OSGEPL1: variants seen among roughly 807,000 people sequenced by gnomAD.
The protein encoded by OSGEPL1 is tRNA N6-adenosine threonylcarbamoyltransferase, mitochondrial.
A neutral mutation model predicts 37.2 loss-of-function variants in OSGEPL1; 26 were observed. The ratio of observed to expected loss-of-function variants is 0.70; its 90% CI spans 0.51 to 0.97. The LOEUF (loss-of-function observed/expected upper bound fraction) is 0.97. Ranked by LOEUF, OSGEPL1 falls within the 50% of genes least tolerant of loss-of-function variation. The pLI is 0.00. For synonymous variants in OSGEPL1, 140 were observed against 159.9 expected, an observed-to-expected ratio of 0.88 and a Z score of 0.94; for missense variants, 404 against 487.0, an observed-to-expected ratio of 0.83 and a Z score of 1.60.
chr2:189,758,939 T>C (rs1256396524), intron 2 of OSGEPL1, among the ~76,000 whole-genome samples: 2 of 152,294 alleles, frequency 1.3e-5, no homozygotes, highest in Middle Eastern at 3.4e-3. Flanking sequence ...TGTTCAAAAG[T>C]TCAGTGCACT....
At chr2:189,747,677 T>C (rs556093203) in intron 8 of OSGEPL1, among the ~76,000 whole-genome samples, 15 of 152,154 alleles carry the variant, frequency 9.9e-5, no homozygotes, top group Non-Finnish European at 2.2e-4. Flanking sequence ...CTGTGTACTT[T>C]ATTTTACTTA....
At chr2:189,755,904 C>A (rs187290885) in intron 2 of OSGEPL1, among the ~76,000 whole-genome samples, 4 of 152,220 alleles carry the variant, frequency 2.6e-5, no homozygotes, top group Non-Finnish European at 4.4e-5. Flanking sequence ...AATTTCCTTG[C>A]TGACAGAAGA....
rs745735013 is a variant in OSGEPL1, at chr2:189,761,434, A to G, written c.207T>C (p.Thr69=). 1 of 1,599,658 alleles carries G rather than the reference A, an allele frequency of 6.3e-7. No homozygotes were observed. The highest frequency in any genetic ancestry group is 8.5e-7 in the Non-Finnish European group (1 of 1,176,156). Residue 69 remains threonine, a synonymous_variant, in exon 2 of 9, where the codon ACT becomes ACC. Coordinates refer to ENST00000264151, the MANE Select transcript of OSGEPL1 (RefSeq NM_022353.3). ...NVLGEAIHSQ[T]EVHLKTGGIV... Reference sequence around the variant, plus strand: ...TGTCTACTTACTTTAAATGAACTTCAGTTTGGGAATGTATTGCTTCTCCCA... The same window carrying G: ...TGTCTACTTACTTTAAATGAACTTCGGTTTGGGAATGTATTGCTTCTCCCA...
chr2:189,761,794 G>A (rs1244527402), intron 1 of OSGEPL1, 134 bp from the exon 2 acceptor site: 2 of 813,526 alleles, frequency 2.5e-6, no homozygotes, highest in Non-Finnish European at 3.5e-6. Context: ...ATAGCAACAT[G>A]GGAATATAAA....
intron 7 of OSGEPL1, among the ~76,000 whole-genome samples, chr2:189,752,372 T>C (rs2045404026): frequency 6.6e-6 from 1 of 152,218 alleles, no homozygotes; most frequent in African/African-American, 2.4e-5. Context: ...GTCCAGGTCA[T>C]GGACATAGTT....
intron 8 of OSGEPL1, among the ~76,000 whole-genome samples, chr2:189,749,428 T>C (rs114022445): frequency 0.01 from 1,567 of 151,640 alleles, 33 homozygotes; most frequent in African/African-American, 0.036. Flanking sequence ...AAAAATTATG[T>C]ATGAGAAAGG....
chr2:189,759,311 C>T (rs1195603951), intron 2 of OSGEPL1, among the ~76,000 whole-genome samples: 6 of 151,814 alleles, frequency 4.0e-5, no homozygotes, highest in African/African-American at 2.4e-5. Context: ...TCCAATGGCG[C>T]GATCTCTGCT....
intron 6 of OSGEPL1, 34 bp downstream of exon 6, chr2:189,752,815 G>T: frequency 6.2e-7 from 1 of 1,613,402 alleles, no homozygotes; most frequent in Non-Finnish European, 8.5e-7. Flanking sequence ...TATTTACATA[G>T]TTATGAGTGA....
Position 189,755,266 on chromosome 2 carries a change from TC to T in OSGEPL1, c.515del (p.Gly172GlufsTer8). 2.5e-6 allele frequency: 4 copies of T among 1,613,494 alleles called. No homozygotes were observed. The highest frequency in any genetic ancestry group is 3.4e-6 in the Non-Finnish European group (4 of 1,179,730). On this transcript the variant is annotated frameshift_variant, in exon 3 of 9. Transcript: ENST00000264151. LOFTEE classifies it high-confidence loss of function. ...EFPFLVLLIS[G>X]GHCLLALVQG... ...GAACTAATGCCAACAGACAGTGACC[TC>T]CAGAAATCAAAAGAACTAAAAAAGG...
At chr2:189,762,922 C>G, upstream of OSGEPL1, 1 of 985,370 alleles carries the variant, frequency 1.0e-6, no homozygotes, top group Non-Finnish European at 1.2e-6. Flanking sequence ...GCATTTCCCC[C>G]AGATTTGCAG....
intron 7 of OSGEPL1, 21 bp downstream of exon 7, chr2:189,752,632 A>C: frequency 6.2e-7 from 1 of 1,612,654 alleles, no homozygotes; most frequent in Admixed American, 1.7e-5. Context: ...TTGCATAAAG[A>C]TCATGAATGA....
chr2:189,752,865 C>A lies in OSGEPL1; in HGVS notation c.1078G>T (p.Gly360Cys). ...GTGGCTTACCATGCAATCATAATGC[C>A]ATTATCAGTGCATAGTCTGGGAGGA... ...CPPPRLCTDNGIMIAWNGIER... is the reference protein window; with the variant it reads ...CPPPRLCTDNCIMIAWNGIER... The change falls in exon 6 of 9, where the codon GGC becomes TGC. Residue 360 changes from glycine to cysteine, a missense_variant. Transcript: ENST00000264151. The A allele has an allele frequency of 2.5e-6, 4 of 1,613,634 alleles. No individual in the cohort carries two copies. The highest frequency in any genetic ancestry group is 3.4e-6 in the Non-Finnish European group (4 of 1,179,754).
In OSGEPL1 at chr2:189,754,245, A is replaced by G; in HGVS notation, c.710T>C (p.Phe237Ser). Residue 237 changes from phenylalanine (F) to serine (S), a missense_variant, in exon 4 of 9, where the codon TTT (phenylalanine) becomes TCT (serine). Transcript: ENST00000264151. ...ATGATGCAAGGGAGGTTTGATGTCA[A>G]AATGAAATCTATTTCCTTGTTTGGC... ...HLAKQGNRFH[F>S]DIKPPLHHAK... is the part of the protein sequence containing the mutation. The G allele has an allele frequency of 1.2e-6, 2 of 1,613,912 alleles. No homozygotes were observed. Among genetic ancestry groups the G allele is most frequent in the Middle Eastern group, 1.6e-4 (1 of 6,062 alleles).
chr2:189,762,460 G>C, intron 1 of OSGEPL1: 1 of 497,514 alleles, frequency 2.0e-6, no homozygotes, highest in Non-Finnish European at 2.6e-6. Flanking sequence ...GTGCAGCCCA[G>C]ACAGACACAA....
chr2:189,762,861 G>A (rs2047332963), upstream of OSGEPL1: 4 of 985,452 alleles, frequency 4.1e-6, no homozygotes, highest in African/African-American at 5.2e-5. Flanking sequence ...CATGCTTAGT[G>A]AAGAAAAGCT....
intron 2 of OSGEPL1, 68 bp downstream of exon 2, chr2:189,761,352 G>T: frequency 6.6e-7 from 1 of 1,513,808 alleles, no homozygotes; most frequent in South Asian, 1.3e-5. Flanking sequence ...TTTTATATAT[G>T]ACAAATACAA....
At position 189,754,904 on chromosome 2, in the gene OSGEPL1, ACATT is replaced by A. The variant is rs1166851143; in HGVS notation, c.609+265_609+268del. 1.6e-4 allele frequency: 65 copies of A among 418,666 alleles called. No individual in the cohort carries two copies. In the South Asian group the frequency reaches 1.8e-3, roughly 12 times the overall value. 25.9% of individuals were successfully genotyped at this position (418,666 alleles called of 1,614,324 possible). A position where few individuals can be genotyped will look rare whatever the true frequency, so the allele number is the denominator to read the frequency against. ...GTTTACGAAGCACGTTCTTTCACATACATTATTTGGCAAAATACATAACTGTATC... is the reference window on the plus strand; with the variant it reads ...GTTTACGAAGCACGTTCTTTCACATAATTTGGCAAAATACATAACTGTATC... On this transcript the variant is annotated intron_variant, in intron 3 of 8. Transcript: ENST00000264151.
chr2:189,750,493 A>G (rs1240324011), intron 8 of OSGEPL1, 57 bp downstream of exon 8: 18 of 686,246 alleles, frequency 2.6e-5, no homozygotes, highest in East Asian at 5.8e-5. Flanking sequence ...AATATTATAT[A>G]TCTTCTACAA....
chr2:189,757,965 C>T (rs962767578), intron 2 of OSGEPL1, among the ~76,000 whole-genome samples: 1 of 152,198 alleles, frequency 6.6e-6, no homozygotes, highest in Non-Finnish European at 1.5e-5. Context: ...GCCCAAATCT[C>T]ATGTAGAATG....
Sources: allele counts gnomAD v4.1 joint callset (sites outside exome capture counted in the v4.1 genomes callset), GRCh38; gene constraint gnomAD v4.1.1; transcripts MANE v1.5; gene names NCBI Gene and HGNC (gene_info 2026-07-23, HGNC 2026-07-21).